Variants in KCNIP4 observed in about 807,000 individuals in gnomAD.
KCNIP4 encodes the protein Kv channel-interacting protein 4.
Under a neutral mutation model 34.0 loss-of-function variants are expected in KCNIP4, and 12 were observed. That is an observed-to-expected ratio of 0.35 (90% CI 0.23 to 0.57). The LOEUF (loss-of-function observed/expected upper bound fraction) is 0.57. Among genes scored for constraint, KCNIP4 ranks in the 20% least tolerant of loss-of-function variants. The pLI is 0.83. For missense variants in KCNIP4, 238 were observed against 311.7 expected (o/e 0.76, Z 1.78); for synonymous variants, 124 against 102.2 (o/e 1.21, Z -1.29).
intron 1 of KCNIP4, among the ~76,000 whole-genome samples, chr4:21,814,999 G>C (rs1319116237): frequency 2.6e-5 from 4 of 152,144 alleles, no homozygotes; most frequent in African/African-American, 9.7e-5. Flanking sequence ...CAACTTTATA[G>C]AATTGCTGGG....
chr4:21,186,706 G>T (rs949963374), intron 1 of KCNIP4, among the ~76,000 whole-genome samples: 15 of 152,268 alleles, frequency 9.9e-5, no homozygotes, highest in African/African-American at 3.6e-4. Flanking sequence ...GTGCAGTGGT[G>T]CAGTCCCATC....
intron 1 of KCNIP4, among the ~76,000 whole-genome samples, chr4:21,228,065 C>G (rs1758532798): frequency 6.6e-6 from 1 of 152,058 alleles, no homozygotes; most frequent in African/African-American, 2.4e-5. Context: ...CATTCAATTT[C>G]TGCATTTTGT....
At chr4:21,754,304 A>C (rs1717360499) in intron 1 of KCNIP4, among the ~76,000 whole-genome samples, 2 of 152,138 alleles carry the variant, frequency 1.3e-5, no homozygotes, top group African/African-American at 4.8e-5. Flanking sequence ...ATTTGTCTAT[A>C]CAGCCCTTAC....
chr4:21,317,735 A>T (rs538495412), intron 1 of KCNIP4, among the ~76,000 whole-genome samples: 1 of 152,202 alleles, frequency 6.6e-6, no homozygotes, highest in South Asian at 2.1e-4. Flanking sequence ...TTGTTGTGGG[A>T]GGGACCCGGT....
At position 20,805,186 on chromosome 4, in the gene KCNIP4, C is replaced by CTTTTTT. The variant is rs10552321; in HGVS notation, c.288+45351_288+45356dup. On this transcript the variant is annotated intron_variant, in intron 3 of 8. Coordinates refer to ENST00000382152, the MANE Select transcript of KCNIP4 (RefSeq NM_025221.6). Reference sequence around the variant, plus strand: ...AAGCAGAAAATATCATAGATGCTTCCTTTTTTTTTTTTTTTTTTTTTTTTT... The same window carrying CTTTTTT: ...AAGCAGAAAATATCATAGATGCTTCCTTTTTTTTTTTTTTTTTTTTTTTTTTTTTTT... Among the ~76,000 whole-genome samples, 46 of 92,108 alleles carry CTTTTTT rather than the reference C, an allele frequency of 5.0e-4. 2 individuals carry two copies. The East Asian group carries it at 8.9e-3, about 18-fold the overall frequency. 60.4% of individuals were successfully genotyped at this position (92,108 alleles called of 152,430 possible).
chr4:21,845,387 T>G (rs913966230), intron 1 of KCNIP4: 21 of 152,162 alleles, frequency 1.4e-4, no homozygotes, highest in African/African-American at 4.8e-4. Context: ...AATATTATTC[T>G]TCTTGTAACT....
intron 1 of KCNIP4, among the ~76,000 whole-genome samples, chr4:21,325,201 T>G (rs1221999602): frequency 6.6e-6 from 1 of 151,924 alleles, no homozygotes; most frequent in Non-Finnish European, 1.5e-5. Flanking sequence ...TTTAAATGTT[T>G]GATAGAGTTC....
At chr4:21,113,199 T>C (rs187757614) in intron 1 of KCNIP4, among the ~76,000 whole-genome samples, 21 of 152,290 alleles carry the variant, frequency 1.4e-4, no homozygotes, top group African/African-American at 5.1e-4. Context: ...CAGAAGGCAA[T>C]GGAACAATCT....
chr4:21,088,659 C>G (rs1198932031), intron 1 of KCNIP4, among the ~76,000 whole-genome samples: 1 of 152,130 alleles, frequency 6.6e-6, no homozygotes, highest in Non-Finnish European at 1.5e-5. Flanking sequence ...TGAAACAGGC[C>G]TGGAATTACT....
chr4:21,398,143 C>A (rs1406967742), intron 1 of KCNIP4, among the ~76,000 whole-genome samples: 1 of 152,144 alleles, frequency 6.6e-6, no homozygotes, highest in African/African-American at 2.4e-5. Context: ...CTGGGTAAGT[C>A]TATTCAGGTA....
At chr4:21,115,029 T>C (rs1382003600) in intron 1 of KCNIP4, among the ~76,000 whole-genome samples, 1 of 152,208 alleles carries the variant, frequency 6.6e-6, no homozygotes, top group Non-Finnish European at 1.5e-5. Flanking sequence ...TCACCAGTCA[T>C]CCACATGGGT....
At chr4:21,745,556 G>A (rs1169723177) in intron 1 of KCNIP4, among the ~76,000 whole-genome samples, 2 of 152,096 alleles carry the variant, frequency 1.3e-5, no homozygotes, top group South Asian at 2.1e-4. Context: ...CTACTTTTGT[G>A]AGTCTGTACT....
At chr4:21,196,452 C>T (rs1004900261) in intron 1 of KCNIP4, among the ~76,000 whole-genome samples, 2 of 152,112 alleles carry the variant, frequency 1.3e-5, no homozygotes, top group Non-Finnish European at 2.9e-5. Context: ...CAGGAAGAAC[C>T]AGGGATTTTT....
intron 1 of KCNIP4, among the ~76,000 whole-genome samples, chr4:21,593,067 T>C (rs1282764212): frequency 6.6e-6 from 1 of 151,858 alleles, no homozygotes; most frequent in Non-Finnish European, 1.5e-5. Context: ...CCTTCTAAAA[T>C]GCTGCATTGC....
At chr4:21,784,466 A>C (rs1719772854) in intron 1 of KCNIP4, among the ~76,000 whole-genome samples, 2 of 152,094 alleles carry the variant, frequency 1.3e-5, no homozygotes, top group Non-Finnish European at 2.9e-5. Flanking sequence ...TTTAAAGAAA[A>C]ACAAGGAGTT....
intron 1 of KCNIP4, among the ~76,000 whole-genome samples, chr4:21,516,543 A>T (rs1734774659): frequency 6.6e-6 from 1 of 152,136 alleles, no homozygotes; most frequent in African/African-American, 2.4e-5. Flanking sequence ...GTCACTAATC[A>T]ATATTTAGGG....
chr4:21,156,940 G>A (rs1024133247), intron 1 of KCNIP4, among the ~76,000 whole-genome samples: 1 of 152,006 alleles, frequency 6.6e-6, no homozygotes, highest in Non-Finnish European at 1.5e-5. Context: ...AATGATCTAG[G>A]ATTTAAATAT....
At chr4:21,924,621 CTTATCTG>C (rs901224310) in intron 1 of KCNIP4, among the ~76,000 whole-genome samples, 7 of 152,138 alleles carry the variant, frequency 4.6e-5, no homozygotes, top group Non-Finnish European at 2.9e-5. Flanking sequence ...AGCTTTTTCT[CTTATCTG>C]CAAGAGCAAC....
chr4:21,670,755 A>C (rs1289814464), intron 1 of KCNIP4, among the ~76,000 whole-genome samples: 1 of 152,034 alleles, frequency 6.6e-6, no homozygotes, highest in East Asian at 1.9e-4. Flanking sequence ...TCCCGGGTTC[A>C]GGCCATTCTC....
Sources: gnomAD v4.1 joint callset for allele counts (sites outside exome capture counted in the v4.1 genomes callset) on GRCh38, gnomAD v4.1.1 for gene constraint, MANE v1.5 for transcripts, NCBI Gene and HGNC (gene_info 2026-07-23, HGNC 2026-07-21) for gene names.